The following TOP6BL variants were observed in gnomAD, a reference collection of about 807,000 sequenced individuals.
The protein encoded by TOP6BL is type 2 DNA topoisomerase 6 subunit B-like.
At chr11:66,809,606 G>T in the TOP6BL span, among the ~76,000 whole-genome samples, 1 of 152,000 alleles carries the variant, frequency 6.6e-6, no homozygotes, top group Admixed American at 6.6e-5. Flanking sequence ...ATTTTATATT[G>T]GAATTATTGT....
At chr11:66,828,429 G>A in the TOP6BL span, 1 of 1,263,130 alleles carries the variant, frequency 7.9e-7, no homozygotes, top group East Asian at 2.4e-5. Flanking sequence ...ATCCTGAATT[G>A]AGGGTGGGTA....
At chr11:66,764,573 G>A in the TOP6BL span, among the ~76,000 whole-genome samples, 1 of 151,388 alleles carries the variant, frequency 6.6e-6, no homozygotes, top group Non-Finnish European at 1.5e-5. Context: ...GCTGAGGCAG[G>A]AGAATCGCTT....
At chr11:66,801,534 G>A in the TOP6BL span, among the ~76,000 whole-genome samples, 12 of 152,130 alleles carry the variant, frequency 7.9e-5, no homozygotes, top group Admixed American at 2.0e-4. Flanking sequence ...ATCTTCTTCA[G>A]ACTCCAAGAA....
the TOP6BL span, among the ~76,000 whole-genome samples, chr11:66,781,478 T>A: frequency 1.3e-5 from 2 of 152,188 alleles, no homozygotes; most frequent in Non-Finnish European, 2.9e-5. Context: ...TTTGAACATA[T>A]TTATAATAGA....
At chr11:66,745,037 C>G in the TOP6BL span, 2 of 1,087,930 alleles carry the variant, frequency 1.8e-6, no homozygotes, top group Non-Finnish European at 1.2e-6. Context: ...GAGGAAGGTT[C>G]GGGAATCGAG....
the TOP6BL span, chr11:66,756,394 G>A: frequency 7.8e-6 from 9 of 1,148,558 alleles, no homozygotes; most frequent in Non-Finnish European, 1.0e-5. Flanking sequence ...GTGCAGTGGC[G>A]CAGTCTCGGC....
the TOP6BL span, chr11:66,762,436 A>G: frequency 3.2e-6 from 1 of 313,382 alleles, no homozygotes; most frequent in Non-Finnish European, 5.9e-6. Flanking sequence ...GATGCAAAGG[A>G]CAACCCAGGC....
chr11:66,799,781 T>C, the TOP6BL span, among the ~76,000 whole-genome samples: 1 of 151,896 alleles, frequency 6.6e-6, no homozygotes, highest in Admixed American at 6.6e-5. Flanking sequence ...GATTTCCTTC[T>C]TTTTAAAGGC....
chr11:66,803,739 A>T, the TOP6BL span, among the ~76,000 whole-genome samples: 1 of 152,216 alleles, frequency 6.6e-6, no homozygotes, highest in East Asian at 1.9e-4. Flanking sequence ...ATGTTTTTTT[A>T]AAAAGAGAAA....
At chr11:66,750,327 C>T in the TOP6BL span, among the ~76,000 whole-genome samples, 1 of 152,036 alleles carries the variant, frequency 6.6e-6, no homozygotes, top group Non-Finnish European at 1.5e-5. Context: ...GTGGGCAGAT[C>T]ACATGAGGTC....
the TOP6BL span, chr11:66,838,370 C>T: frequency 6.2e-7 from 1 of 1,613,704 alleles, no homozygotes; most frequent in African/African-American, 1.3e-5. Context: ...TTTTAAGCAG[C>T]TAACCCTAGA....
the TOP6BL span, among the ~76,000 whole-genome samples, chr11:66,815,461 G>A: frequency 6.6e-6 from 1 of 152,174 alleles, no homozygotes; most frequent in Non-Finnish European, 1.5e-5. Context: ...TACATTTGGG[G>A]ATACAAATAT....
At chr11:66,762,264 G>A in the TOP6BL span, 1 of 515,222 alleles carries the variant, frequency 1.9e-6, no homozygotes, top group Admixed American at 3.2e-5. Context: ...CGCGCAAACT[G>A]AGCAGCCTGA....
the TOP6BL span, chr11:66,762,352 G>C: frequency 2.7e-6 from 1 of 375,644 alleles, no homozygotes; most frequent in East Asian, 7.2e-5. Flanking sequence ...GGAAGCCGGC[G>C]ACGCAGAAGC....
the TOP6BL span, among the ~76,000 whole-genome samples, chr11:66,777,074 T>G: frequency 4.9e-3 from 731 of 149,668 alleles, 5 homozygotes; most frequent in African/African-American, 0.017. Context: ...TATATATCTA[T>G]ATCTATATAT....
the TOP6BL span, chr11:66,744,803 G>A: frequency 1.6e-6 from 2 of 1,288,152 alleles, no homozygotes; most frequent in African/African-American, 1.6e-5. Flanking sequence ...GGAGTTCCAA[G>A]CCCGGGCTGA....
At chr11:66,808,613 A>C in the TOP6BL span, among the ~76,000 whole-genome samples, 1 of 152,248 alleles carries the variant, frequency 6.6e-6, no homozygotes, top group African/African-American at 2.4e-5. Context: ...AAACTGTAAA[A>C]TATGAAATAC....
chr11:66,826,607 A>G, the TOP6BL span, among the ~76,000 whole-genome samples: 1 of 152,192 alleles, frequency 6.6e-6, no homozygotes, highest in African/African-American at 2.4e-5. Context: ...ATTCTAAGGT[A>G]TCCATTAAAG....
the TOP6BL span, among the ~76,000 whole-genome samples, chr11:66,769,265 A>G: frequency 3.9e-5 from 6 of 152,204 alleles, no homozygotes; most frequent in Non-Finnish European, 8.8e-5. Flanking sequence ...TAAAGCTATA[A>G]AACTCTTAGA....
Sources: allele counts gnomAD v4.1 joint callset (sites outside exome capture counted in the v4.1 genomes callset), GRCh38; gene constraint gnomAD v4.1.1; transcripts MANE v1.5; gene names NCBI Gene and HGNC (gene_info 2026-07-23, HGNC 2026-07-21).